ASPG: variants seen among roughly 807,000 people sequenced by gnomAD.
ASPG encodes the protein asparaginase.
ASPG carries 53 observed loss-of-function variants against 63.2 expected under a neutral mutation model. That is an observed-to-expected ratio of 0.84 (90% CI 0.67 to 1.05). ASPG has a LOEUF of 1.05. Ranked by LOEUF, ASPG falls within the 50% of genes least tolerant of loss-of-function variation. The pLI is 0.00. For synonymous variants in ASPG, 370 were observed against 355.0 expected, an observed-to-expected ratio of 1.04 and a Z score of -0.48; for missense variants, 741 against 794.4, an observed-to-expected ratio of 0.93 and a Z score of 0.81.
chr14:104,098,687 G>A (rs1296193077), intron 5 of ASPG, among the ~76,000 whole-genome samples, 166 bp from the exon 6 acceptor site: 4 of 152,170 alleles, frequency 2.6e-5, no homozygotes, highest in Non-Finnish European at 5.9e-5. Context: ...GGCCCGAGAG[G>A]GGCAGTACCT....
intron 3 of ASPG, among the ~76,000 whole-genome samples, chr14:104,094,201 G>A (rs559645423): frequency 2.0e-5 from 3 of 152,070 alleles, no homozygotes; most frequent in African/African-American, 7.2e-5. Flanking sequence ...AGGACACAAC[G>A]GGAACAGTTG....
Position 104,109,253 on chromosome 14 carries a change from G to A in ASPG, c.1458G>A (p.Leu486=). ...GGCATCCGGGTGTCATTGGGTTGCT[G>A]CGGGAAGCCGGGGCCTCCCTGTCCA... The part of the protein sequence containing the change: ...RGRHPGVIGL[L]REAGASLSTQ... The change falls in exon 13 of 16, where the codon CTG becomes CTA. Residue 486 remains leucine (L), a synonymous_variant. Coordinates refer to ENST00000551177, the MANE Select transcript of ASPG (RefSeq NM_001080464.3). The surrounding 1 kb of genome is among the most constrained non-coding windows in gnomAD (Gnocchi z 4.8). The A allele has an allele frequency of 1.2e-6, 2 of 1,613,344 alleles. No individual in the cohort carries two copies. The highest frequency in any genetic ancestry group is 2.7e-5 in the African/African-American group (2 of 75,036).
In ASPG at chr14:104,105,402, C is replaced by T. The variant is rs900528171; in HGVS notation, c.1125C>T (p.Asn375=). The T allele has an allele frequency of 5.0e-6, 8 of 1,611,812 alleles. No individual in the cohort carries two copies. Among genetic ancestry groups the T allele is most frequent in the Non-Finnish European group, 6.8e-6 (8 of 1,179,412 alleles). Residue 375 remains asparagine (N), a synonymous_variant, in exon 10 of 16, where the codon AAC becomes AAT. Coordinates refer to ENST00000551177, the MANE Select transcript of ASPG (RefSeq NM_001080464.3). ...VEERRPSLQG[N]TLGGGVSWLL... is the part of the protein sequence containing the mutation. ...AGCGCCGGCCCTCACTGCAGGGCAA[C>T]ACGCTGGGCGGTGGGGTCTCCTGGC... is the stretch of plus-strand genomic sequence containing the variant.
At chr14:104,097,891 C>G (rs916365974) in intron 5 of ASPG, among the ~76,000 whole-genome samples, 1 of 129,320 alleles carries the variant, frequency 7.7e-6, no homozygotes, top group African/African-American at 3.0e-5. Context: ...TATGGAGGTT[C>G]TGCGTTAGAG....
At chr14:104,111,791 G>C in intron 14 of ASPG, 129 bp from the exon 15 acceptor site, 1 of 1,036,626 alleles carries the variant, frequency 9.6e-7, no homozygotes, top group Non-Finnish European at 1.4e-6. Context: ...GGTGACGAGA[G>C]TGGAGGAGCT....
rs1744284 is a variant in ASPG, at chr14:104,093,585, C to A, written c.286C>A (p.Leu96Ile). 2.0e-5 allele frequency: 32 copies of A among 1,606,750 alleles called. No homozygotes were observed. Among genetic ancestry groups the A allele is most frequent in the East Asian group, 4.5e-5 (2 of 44,664 alleles). ...CATGACCATCGCTGAGTGGGTTTGC[C>A]TTGCCCAGACCATCAAGGTAGTGGG... Reference protein sequence around the residue: ...SDMTIAEWVCLAQTIKRHYEQ... With the variant: ...SDMTIAEWVCIAQTIKRHYEQ... The change falls in exon 3 of 16, where the codon CTT becomes ATT. Residue 96 changes from leucine to isoleucine, a missense_variant. Leu to Ile is a conservative substitution (Grantham distance 5, BLOSUM62 2). Coordinates refer to ENST00000551177, the MANE Select transcript of ASPG (RefSeq NM_001080464.3).
intron 12 of ASPG, 42 bp downstream of exon 12, chr14:104,107,387 G>T (rs758994661): frequency 1.5e-6 from 2 of 1,373,900 alleles, no homozygotes; most frequent in South Asian, 1.9e-5. Context: ...TGGACAGGTG[G>T]GCGCAGAGAG....
chr14:104,104,545 G>T, intron 8 of ASPG, 59 bp downstream of exon 8: 1 of 1,592,652 alleles, frequency 6.3e-7, no homozygotes, highest in Non-Finnish European at 8.6e-7. Flanking sequence ...CCTGGCAGAG[G>T]TGGGCTCTGA....
intron 1 of ASPG, 115 bp from the exon 2 acceptor site, chr14:104,092,518 C>CTG: frequency 1.2e-6 from 1 of 866,602 alleles, no homozygotes; most frequent in Non-Finnish European, 1.8e-6. Flanking sequence ...CAGCCTCTGA[C>CTG]TGTCATAAGA....
intron 12 of ASPG, among the ~76,000 whole-genome samples, chr14:104,108,027 T>C (rs529277684): frequency 1.3e-5 from 2 of 151,470 alleles, no homozygotes; most frequent in East Asian, 3.9e-4. Context: ...GGGGAGGGAG[T>C]GCTCAGGAGT....
At chr14:104,097,506 G>A in intron 4 of ASPG, 48 bp from the exon 5 acceptor site, 1 of 1,523,656 alleles carries the variant, frequency 6.6e-7, no homozygotes, top group Non-Finnish European at 8.9e-7. Flanking sequence ...AGACATCCCA[G>A]GCTTCTGGGC....
chr14:104,111,115 G>A (rs2037365235), intron 13 of ASPG: 1 of 985,314 alleles, frequency 1.0e-6, no homozygotes, highest in Admixed American at 6.1e-5. Flanking sequence ...CTCGGCAGGT[G>A]GGCGTGCATA....
intron 14 of ASPG, 32 bp from the exon 15 acceptor site, chr14:104,111,888 C>G: frequency 1.9e-6 from 3 of 1,545,522 alleles, no homozygotes; most frequent in East Asian, 2.4e-5. Flanking sequence ...TCAGTGGCCC[C>G]AAGGCAGCCC....
At chr14:104,111,288 C>T (rs115412002) in intron 13 of ASPG, 12,016 of 804,092 alleles carry the variant, frequency 0.015, 97 homozygotes, top group Middle Eastern at 0.033. Context: ...CATGTGTACC[C>T]GACTTGAGTC....
intron 1 of ASPG, among the ~76,000 whole-genome samples, chr14:104,088,486 C>T (rs1266094153): frequency 6.6e-6 from 1 of 152,206 alleles, no homozygotes; most frequent in African/African-American, 2.4e-5. Context: ...AACTTGAAGA[C>T]TTCCTATGTC....
At chr14:104,086,761 C>A (rs1268431072) in intron 1 of ASPG, among the ~76,000 whole-genome samples, 1 of 152,066 alleles carries the variant, frequency 6.6e-6, no homozygotes, top group Non-Finnish European at 1.5e-5. Context: ...GCCTGCCTTT[C>A]CCTCAGGAGC....
At chr14:104,108,281 G>A (rs761728276) in intron 12 of ASPG, 8 of 372,904 alleles carry the variant, frequency 2.1e-5, no homozygotes, top group Non-Finnish European at 3.0e-5. Flanking sequence ...GGGTCCCCCC[G>A]AGCAGGGCTG....
chr14:104,094,933 C>A (rs983988078), intron 3 of ASPG, among the ~76,000 whole-genome samples: 11 of 152,204 alleles, frequency 7.2e-5, no homozygotes, highest in African/African-American at 2.7e-4. Context: ...TCGTATGGAG[C>A]CCTGGGCTCT....
intron 1 of ASPG, among the ~76,000 whole-genome samples, chr14:104,089,083 C>T (rs958880455): frequency 6.6e-6 from 1 of 151,878 alleles, no homozygotes; most frequent in East Asian, 2.0e-4. Context: ...TGCAGTGGCG[C>T]GATCTCAGCT....
Sources: allele counts gnomAD v4.1 joint callset (sites outside exome capture counted in the v4.1 genomes callset), GRCh38; gene constraint gnomAD v4.1.1; non-coding constraint Gnocchi (gnomAD v3.1); transcripts MANE v1.5; gene names NCBI Gene and HGNC (gene_info 2026-07-23, HGNC 2026-07-21).